Variants in RFX2 observed in about 807,000 individuals in gnomAD.
RFX2 encodes regulatory factor X2.
Under a neutral mutation model 87.8 loss-of-function variants are expected in RFX2, and 20 were observed. That is an observed-to-expected ratio of 0.23 (90% confidence interval 0.16 to 0.33). The LOEUF (loss-of-function observed/expected upper bound fraction) is 0.33, where lower values mean the gene tolerates loss of function less well. Ranked by LOEUF, RFX2 falls within the 10% of genes least tolerant of loss-of-function variation. RFX2 has a pLI of 1.00. For synonymous variants in RFX2, 397 were observed against 431.3 expected, an observed-to-expected ratio of 0.92 and a Z score of 0.98; for missense variants, 767 against 1,012.3, an observed-to-expected ratio of 0.76 and a Z score of 3.29.
chr19:5,995,743 C>T, intron 16 of RFX2, 100 bp from the exon 17 acceptor site: 1 of 1,034,162 alleles, frequency 9.7e-7, no homozygotes. Context: ...GAGCCACGTC[C>T]TCCATTCACA....
intron 1 of RFX2, among the ~76,000 whole-genome samples, chr19:6,072,538 A>G (rs2087622291): frequency 6.6e-6 from 1 of 152,138 alleles, no homozygotes; most frequent in Non-Finnish European, 1.5e-5. Context: ...CCTCGTCTCT[A>G]GAGAAAAAAA....
In RFX2 at chr19:6,050,389, G is replaced by A. The variant is rs1006351497; in HGVS notation, c.-8-2885C>T. On this transcript the variant is annotated intron_variant, in intron 1 of 17. Coordinates refer to ENST00000303657, the MANE Select transcript of RFX2 (RefSeq NM_000635.4). This position sits in a 1 kb window ranked among gnomAD's most constrained non-coding sequence, Gnocchi z 4.6. ...GAAAAGCAGTTAATTATAACCAAAC[G>A]CAAGATAACCCAGATGATACAGATA... Among the ~76,000 whole-genome samples, 1 of 152,122 alleles carries A rather than the reference G, an allele frequency of 6.6e-6. No homozygotes were observed. Among genetic ancestry groups the A allele is most frequent in the African/African-American group, 2.4e-5 (1 of 41,428 alleles).
chr19:6,058,200 C>A (rs1320856640), intron 1 of RFX2, among the ~76,000 whole-genome samples: 4 of 152,208 alleles, frequency 2.6e-5, no homozygotes, highest in Non-Finnish European at 5.9e-5. Context: ...CTGAGCACTG[C>A]AGGGTGCTGA....
intron 1 of RFX2, chr19:6,072,695 A>C (rs906372752): frequency 9.9e-6 from 4 of 405,852 alleles, no homozygotes; most frequent in Non-Finnish European, 1.8e-5. Flanking sequence ...ACAGAGAGAG[A>C]TCCTGTCTCT....
Position 6,047,289 on chromosome 19 carries a change from G to T in RFX2, c.90+118C>A. 1.3e-6 allele frequency: 1 copy of T among 776,746 alleles called. No homozygotes were observed. Among genetic ancestry groups the T allele is most frequent in the Non-Finnish European group, 2.0e-6 (1 of 495,312 alleles). 48.1% of individuals were successfully genotyped at this position (776,746 alleles called of 1,614,324 possible). On this transcript the variant is annotated intron_variant, in intron 2 of 17. Transcript: ENST00000303657. This position sits in a 1 kb window ranked among gnomAD's most constrained non-coding sequence, Gnocchi z 4.2. ...TTTCAACAGCAGCAGCACTGGGACT[G>T]AGAAGTCCATTCAGAAAAATACAGA...
intron 1 of RFX2, among the ~76,000 whole-genome samples, chr19:6,091,427 G>A (rs868815182): frequency 1.3e-5 from 2 of 149,746 alleles, no homozygotes. Context: ...CAGCCTGGGC[G>A]ACAGAGCAAG....
In RFX2 at chr19:6,017,750, G is replaced by C. The variant is rs1448658535; in HGVS notation, c.598-1479C>G. Reference sequence around the variant, plus strand: ...TCCTCAGCCCTCCCCCACCGGGCATGTTGGGCTCCTGCACAGCCCTTGGCC... The same window carrying C: ...TCCTCAGCCCTCCCCCACCGGGCATCTTGGGCTCCTGCACAGCCCTTGGCC... On this transcript the variant is annotated intron_variant, in intron 6 of 17. Coordinates refer to ENST00000303657, the MANE Select transcript of RFX2 (RefSeq NM_000635.4). This position sits in a 1 kb window ranked among gnomAD's most constrained non-coding sequence, Gnocchi z 4.1. 6.6e-6 allele frequency among the ~76,000 whole-genome samples: 1 copy of C among 152,068 alleles called. No homozygotes were observed. The highest frequency in any genetic ancestry group is 1.5e-5 in the Non-Finnish European group (1 of 68,026).
intron 1 of RFX2, among the ~76,000 whole-genome samples, chr19:6,070,877 AAAAC>A (rs887000267): frequency 5.3e-5 from 8 of 152,192 alleles, no homozygotes; most frequent in East Asian, 3.9e-4. Flanking sequence ...CTGGCTACTT[AAAAC>A]AAACAAACAA....
chr19:6,037,673 T>G (rs555803114), intron 5 of RFX2, among the ~76,000 whole-genome samples: 12 of 152,204 alleles, frequency 7.9e-5, no homozygotes, highest in Non-Finnish European at 1.6e-4. Context: ...GATCTAAACT[T>G]ATACAGAAAC....
At chr19:6,070,783 C>G (rs909221225) in intron 1 of RFX2, among the ~76,000 whole-genome samples, 11 of 152,204 alleles carry the variant, frequency 7.2e-5, no homozygotes, top group Non-Finnish European at 1.2e-4. Context: ...CTCACTGCAG[C>G]CTCAAACTCC....
At chr19:6,062,265 A>T (rs2087445473) in intron 1 of RFX2, among the ~76,000 whole-genome samples, 1 of 152,234 alleles carries the variant, frequency 6.6e-6, no homozygotes, top group Non-Finnish European at 1.5e-5. Flanking sequence ...CAGCGGCAGT[A>T]GCTGGTGGCC....
chr19:6,082,953 TA>T (rs1321883252), intron 1 of RFX2, among the ~76,000 whole-genome samples: 16 of 152,334 alleles, frequency 1.1e-4, no homozygotes, highest in Non-Finnish European at 2.2e-4. Context: ...TTTTTCCCAT[TA>T]TTTTTTTGAG....
At chr19:6,106,807 TA>T (rs2144919246) in intron 1 of RFX2, among the ~76,000 whole-genome samples, 1 of 148,146 alleles carries the variant, frequency 6.8e-6, no homozygotes, top group African/African-American at 2.4e-5. Context: ...CATATATTTA[TA>T]TTTAAATTTT....
chr19:6,058,159 G>A (rs2087373229), intron 1 of RFX2, among the ~76,000 whole-genome samples: 1 of 152,160 alleles, frequency 6.6e-6, no homozygotes, highest in Non-Finnish European at 1.5e-5. Context: ...GTGGACATTG[G>A]GGACGGATCC....
rs760352249 is a variant in RFX2 at position 5,994,823 on chromosome 19, C to T, written c.*12G>A. 46 of 1,583,034 alleles carry T rather than the reference C, an allele frequency of 2.9e-5. No homozygotes were observed. The highest frequency in any genetic ancestry group is 3.5e-5 in the Non-Finnish European group (41 of 1,158,130). On this transcript the variant is annotated 3_prime_UTR_variant, in exon 18 of 18. Coordinates refer to ENST00000303657, the MANE Select transcript of RFX2 (RefSeq NM_000635.4). ...ATCTTTTGGAACCTCGAGGAGGCGC[C>T]GGCCGGGGCTGCTAGATGCCCTGCA...
intron 1 of RFX2, among the ~76,000 whole-genome samples, chr19:6,080,300 G>A (rs1408062239): frequency 1.3e-5 from 2 of 151,796 alleles, no homozygotes; most frequent in East Asian, 3.9e-4. Flanking sequence ...TGTTGCCCAG[G>A]CTGGTTTCGA....
intron 5 of RFX2, among the ~76,000 whole-genome samples, chr19:6,038,486 T>C (rs1381762687): frequency 6.6e-6 from 1 of 152,038 alleles, no homozygotes; most frequent in Non-Finnish European, 1.5e-5. Flanking sequence ...ATAAGTTGGA[T>C]TTCATCAAAA....
In RFX2 at chr19:6,079,854, C is replaced by T. The variant is rs192098663; in HGVS notation, c.-9+30539G>A. Reference sequence around the variant, plus strand: ...TGAGCTGAGATTGCACCATTGCACTCCAGCCTGGCAACAAAGCAAGACTCT... The same window carrying T: ...TGAGCTGAGATTGCACCATTGCACTTCAGCCTGGCAACAAAGCAAGACTCT... On this transcript the variant is annotated intron_variant, in intron 1 of 17. Transcript: ENST00000303657. 8.2e-4 allele frequency among the ~76,000 whole-genome samples: 122 copies of T among 148,286 alleles called. No homozygotes were observed. The Middle Eastern group carries it at 0.01, about 12-fold the overall frequency.
Position 6,013,240 on chromosome 19 carries a change from C to T in RFX2, c.780-135G>A. On this transcript the variant is annotated intron_variant, in intron 7 of 17. Transcript: ENST00000303657. This position sits in a 1 kb window ranked among gnomAD's most constrained non-coding sequence, Gnocchi z 4.1. ...TCATTCTGTCGCCCAGGCTGGAGTA[C>T]AGCAGTGCCATCTCGGCTCACTGCA... The T allele has an allele frequency of 2.4e-6, 2 of 840,170 alleles. No individual in the cohort carries two copies. The highest frequency in any genetic ancestry group is 3.4e-6 in the Non-Finnish European group (2 of 584,908). The allele number at this position is 840,170 out of a possible 1,614,324, so 52.0% of individuals were successfully genotyped here.
Sources: gnomAD v4.1 joint callset for allele counts (sites outside exome capture counted in the v4.1 genomes callset) on GRCh38, gnomAD v4.1.1 for gene constraint, Gnocchi (gnomAD v3.1) non-coding constraint, MANE v1.5 for transcripts, NCBI Gene and HGNC (gene_info 2026-07-23, HGNC 2026-07-21) for gene names.